Variants in RBFOX1 observed in about 807,000 individuals in gnomAD.
RBFOX1 encodes the protein RNA binding fox-1 homolog 1, also known as RNA binding protein fox-1 homolog 1.
A neutral mutation model predicts 57.7 loss-of-function variants in RBFOX1; 8 were observed. The ratio of observed to expected loss-of-function variants is 0.14; its 90% CI spans 0.08 to 0.25. The LOEUF is 0.25. Among genes scored for constraint, RBFOX1 ranks in the 10% least tolerant of loss-of-function variants. The pLI, the probability that RBFOX1 is intolerant of heterozygous loss-of-function variation, is 1.00. For synonymous variants in RBFOX1, 326 were observed against 222.4 expected (o/e 1.47, Z -4.15); for missense variants, 611 against 548.5 (o/e 1.11, Z -1.14).
At chr16:5,558,253 C>T (rs991444271) in intron 2 of RBFOX1, among the ~76,000 whole-genome samples, 4 of 152,130 alleles carry the variant, frequency 2.6e-5, no homozygotes, top group Admixed American at 2.0e-4. Flanking sequence ...AACACACAAG[C>T]TGTCTGCAGC....
upstream of RBFOX1, chr16:6,018,995 A>G (rs1038591028): frequency 6.6e-6 from 5 of 752,270 alleles, no homozygotes; most frequent in Non-Finnish European, 8.1e-6. Flanking sequence ...TGGCGAGGGG[A>G]AGGGGGAGGG....
intron 2 of RBFOX1, among the ~76,000 whole-genome samples, chr16:6,372,759 G>C (rs902897223): frequency 6.6e-6 from 1 of 150,828 alleles, no homozygotes; most frequent in East Asian, 2.0e-4. Flanking sequence ...AGGACAGTTG[G>C]TTAGGATTGT....
At chr16:7,215,262 A>G (rs959908232) in intron 4 of RBFOX1, among the ~76,000 whole-genome samples, 14 of 152,192 alleles carry the variant, frequency 9.2e-5, no homozygotes, top group African/African-American at 2.7e-4. Flanking sequence ...AAGTGTGGCA[A>G]TTCCTGAAGG....
chr16:5,339,035 C>G (rs895159157), intron 1 of RBFOX1, among the ~76,000 whole-genome samples: 6 of 151,692 alleles, frequency 4.0e-5, no homozygotes, highest in African/African-American at 1.5e-4. Context: ...AACACAAAAT[C>G]TCTCAATAAT....
At position 6,334,380 on chromosome 16, in the gene RBFOX1, C is replaced by T. The variant is rs143892710; in HGVS notation, c.-64+17323C>T. Among the ~76,000 whole-genome samples, 397 of 151,808 alleles carry T rather than the reference C, an allele frequency of 2.6e-3. 2 individuals carry two copies. The highest frequency in any genetic ancestry group is 8.1e-3 in the African/African-American group (334 of 41,358). On this transcript the variant is annotated intron_variant, in intron 2 of 15. Coordinates refer to ENST00000550418, the MANE Select transcript of RBFOX1 (RefSeq NM_018723.4). ...AGAATTAGCCAGGCATGTTGGTGTGCGCCTGTAGTCCCAGCTACTCAGGAA... is the reference window on the plus strand; with the variant it reads ...AGAATTAGCCAGGCATGTTGGTGTGTGCCTGTAGTCCCAGCTACTCAGGAA...
intron 4 of RBFOX1, among the ~76,000 whole-genome samples, chr16:7,504,745 ATATATATATT>A (rs1567554145): frequency 1.2e-3 from 15 of 12,044 alleles, no homozygotes; most frequent in East Asian, 3.1e-3. Context: ...ATATATATAT[ATATATATATT>A]TATATATATA....
chr16:6,092,751 T>A (rs1027896219), intron 1 of RBFOX1: 6 of 152,234 alleles, frequency 3.9e-5, no homozygotes, highest in Non-Finnish European at 7.3e-5. Flanking sequence ...GGTCTTTGTG[T>A]CTGTTTTTGT....
intron 1 of RBFOX1, among the ~76,000 whole-genome samples, chr16:6,193,391 ACTATATATATATATAT>A (rs2097156921): frequency 4.4e-4 from 7 of 15,744 alleles, no homozygotes; most frequent in African/African-American, 8.1e-4. Flanking sequence ...ATATATATAT[ACTATATATATATATAT>A]ATATATATAT....
At chr16:5,459,925 G>A (rs919820107) in intron 1 of RBFOX1, among the ~76,000 whole-genome samples, 9 of 151,864 alleles carry the variant, frequency 5.9e-5, no homozygotes, top group Admixed American at 2.6e-4. Context: ...TCTCCGTGTC[G>A]CCACTCCGAG....
intron 4 of RBFOX1, among the ~76,000 whole-genome samples, chr16:5,952,152 G>T (rs117453852): frequency 0.053 from 7,800 of 148,522 alleles, 297 homozygotes; most frequent in East Asian, 0.16. Context: ...TTGTTTTTTG[G>T]TTTTGTTTTT....
intron 11 of RBFOX1, among the ~76,000 whole-genome samples, chr16:7,642,779 C>T (rs1176109806): frequency 6.6e-6 from 1 of 152,070 alleles, no homozygotes; most frequent in Non-Finnish European, 1.5e-5. Flanking sequence ...CTGCTGCATC[C>T]AAATTAAAAT....
intron 3 of RBFOX1, among the ~76,000 whole-genome samples, chr16:6,931,291 G>GTGTATCTA (rs2076469988): frequency 8.1e-6 from 1 of 124,036 alleles, no homozygotes; most frequent in African/African-American, 3.3e-5. Context: ...CTGTCTGTCT[G>GTGTATCTA]TCTGTCTATC....
chr16:6,393,408 G>C (rs1192442289), intron 2 of RBFOX1, among the ~76,000 whole-genome samples: 1 of 152,108 alleles, frequency 6.6e-6, no homozygotes, highest in Non-Finnish European at 1.5e-5. Flanking sequence ...GATATTGTGG[G>C]CATTTGGGTG....
intron 3 of RBFOX1, among the ~76,000 whole-genome samples, chr16:5,624,675 C>A (rs558365807): frequency 3.9e-5 from 6 of 152,334 alleles, no homozygotes; most frequent in African/African-American, 1.2e-4. Context: ...AGCTGAAGGG[C>A]GCTCTCAGCT....
intron 1 of RBFOX1, among the ~76,000 whole-genome samples, chr16:5,445,087 C>G (rs983888098): frequency 2.6e-5 from 4 of 152,092 alleles, no homozygotes; most frequent in Admixed American, 6.5e-5. Context: ...CTGGGTTACT[C>G]TGGCAGGTAG....
intron 2 of RBFOX1, among the ~76,000 whole-genome samples, chr16:6,485,213 C>G (rs186129245): frequency 7.2e-4 from 110 of 152,302 alleles, no homozygotes; most frequent in African/African-American, 2.4e-3. Flanking sequence ...TTTTCCAAGT[C>G]TTATCTGCCC....
chr16:7,502,606 T>A (rs1172110854), intron 4 of RBFOX1, among the ~76,000 whole-genome samples: 1 of 152,354 alleles, frequency 6.6e-6, no homozygotes, highest in African/African-American at 2.4e-5. Flanking sequence ...TTTGTTTTTT[T>A]AATTATACTT....
At chr16:7,107,300 C>T (rs1424600479) in intron 4 of RBFOX1, among the ~76,000 whole-genome samples, 1 of 152,074 alleles carries the variant, frequency 6.6e-6, no homozygotes, top group African/African-American at 2.4e-5. Flanking sequence ...ATGTAAATGC[C>T]TTCTGGGGCA....
intron 4 of RBFOX1, among the ~76,000 whole-genome samples, chr16:7,384,047 C>G (rs1334302290): frequency 5.5e-5 from 8 of 144,786 alleles, no homozygotes; most frequent in Non-Finnish European, 1.2e-4. Flanking sequence ...GAGTGAGACT[C>G]CATCTCAAAA....
Sources: gnomAD v4.1 joint callset for allele counts (sites outside exome capture counted in the v4.1 genomes callset) on GRCh38, gnomAD v4.1.1 for gene constraint, MANE v1.5 for transcripts, NCBI Gene and HGNC (gene_info 2026-07-23, HGNC 2026-07-21) for gene names.